Variants in WDPCP observed in about 807,000 individuals in gnomAD.
WDPCP encodes WD repeat containing planar cell polarity effector, also known as WD repeat-containing and planar cell polarity effector protein fritz homolog.
In WDPCP, 71 loss-of-function variants were observed where a neutral mutation model predicts 93.1. The ratio of observed to expected loss-of-function variants is 0.76; its 90% CI spans 0.63 to 0.93. The LOEUF (loss-of-function observed/expected upper bound fraction) is 0.93, where lower values mean the gene tolerates loss of function less well. Among genes scored for constraint, WDPCP ranks in the 40% least tolerant of loss-of-function variants. WDPCP has a pLI of 0.00. For synonymous variants in WDPCP, 315 were observed against 315.0 expected, an observed-to-expected ratio of 1.00 and a Z score of 0.00; for missense variants, 844 against 887.4, an observed-to-expected ratio of 0.95 and a Z score of 0.62.
chr2:63,582,801 C>CA (rs1241732515), intron 1 of WDPCP, among the ~76,000 whole-genome samples: 2 of 152,034 alleles, frequency 1.3e-5, no homozygotes, highest in African/African-American at 4.8e-5. Flanking sequence ...AAAAAACTAT[C>CA]AATCTAGAAC....
At chr2:63,222,654 C>T (rs186748983) in intron 14 of WDPCP, among the ~76,000 whole-genome samples, 110 of 152,294 alleles carry the variant, frequency 7.2e-4, no homozygotes, top group Middle Eastern at 6.8e-3. Context: ...TGAAGCTTAT[C>T]ATAGTTTAAG....
chr2:63,702,030 AT>A (rs1051328036), intron 2 of WDPCP, among the ~76,000 whole-genome samples: 2 of 151,546 alleles, frequency 1.3e-5, no homozygotes, highest in African/African-American at 2.4e-5. Flanking sequence ...AGAAAAGACG[AT>A]TTTTTTTTCT....
At chr2:63,509,728 A>G (rs766760087) in intron 1 of WDPCP, among the ~76,000 whole-genome samples, 5 of 152,198 alleles carry the variant, frequency 3.3e-5, no homozygotes, top group Non-Finnish European at 7.3e-5. Context: ...AATAGACACA[A>G]TAAAAAAAGA....
chr2:63,303,496 CTGTAGGTCAA>C (rs1685487014), intron 13 of WDPCP, among the ~76,000 whole-genome samples: 1 of 152,128 alleles, frequency 6.6e-6, no homozygotes, highest in Non-Finnish European at 1.5e-5. Flanking sequence ...CATTGTACCT[CTGTAGGTCAA>C]GTAAGACAGC....
At chr2:63,539,560 C>T (rs547602420) in intron 1 of WDPCP, among the ~76,000 whole-genome samples, 25 of 152,136 alleles carry the variant, frequency 1.6e-4, no homozygotes, top group Admixed American at 6.6e-4. Context: ...GGTGTGGTGG[C>T]GCATGCCTGT....
chr2:63,313,886 A>ATATGTGTGTGTGTATATATATATATTTT, intron 12 of WDPCP, among the ~76,000 whole-genome samples: 1 of 74,502 alleles, frequency 1.3e-5, no homozygotes, highest in Non-Finnish European at 2.6e-5. Context: ...ATATATATAT[A>ATATGTGTGTGTGTATATATATATATTTT]TTTTTTTTTT....
chr2:63,570,991 C>T (rs562515178), intron 1 of WDPCP, among the ~76,000 whole-genome samples: 36 of 152,026 alleles, frequency 2.4e-4, no homozygotes, highest in South Asian at 1.9e-3. Context: ...CTGCAACCTC[C>T]GCCTCTTGGT....
intron 2 of WDPCP, among the ~76,000 whole-genome samples, chr2:63,721,157 A>G (rs1669407911): frequency 6.6e-6 from 1 of 152,258 alleles, no homozygotes; most frequent in South Asian, 2.1e-4. Context: ...TGAGTCAAGG[A>G]AAATTGGCAT....
intron 6 of WDPCP, among the ~76,000 whole-genome samples, chr2:63,476,568 T>C (rs1699985479): frequency 6.6e-6 from 1 of 152,198 alleles, no homozygotes; most frequent in African/African-American, 2.4e-5. Context: ...ATTAGTGTCC[T>C]AGTGATTTCA....
chr2:63,268,980 C>T (rs528737133), intron 13 of WDPCP, among the ~76,000 whole-genome samples: 1 of 152,008 alleles, frequency 6.6e-6, no homozygotes, highest in Non-Finnish European at 1.5e-5. Context: ...ATAAAAGAAT[C>T]ATGCATCTTG....
chr2:63,489,974 AC>A (rs1700780121), intron 2 of WDPCP, among the ~76,000 whole-genome samples: 1 of 151,976 alleles, frequency 6.6e-6, no homozygotes, highest in Non-Finnish European at 1.5e-5. Context: ...ATTATGCACC[AC>A]CTGATAGGAT....
intron 14 of WDPCP, among the ~76,000 whole-genome samples, chr2:63,186,726 T>C (rs1000552820): frequency 6.6e-6 from 1 of 152,118 alleles, no homozygotes; most frequent in African/African-American, 2.4e-5. Flanking sequence ...CCTTCTCACC[T>C]TTTATTTTCC....
intron 1 of WDPCP, among the ~76,000 whole-genome samples, chr2:63,823,526 A>C (rs988634814): frequency 6.6e-6 from 1 of 152,028 alleles, no homozygotes. Context: ...AACAAACAAA[A>C]AAAACTTTTC....
intron 12 of WDPCP, among the ~76,000 whole-genome samples, chr2:63,361,875 C>T (rs985240356): frequency 6.6e-6 from 1 of 152,136 alleles, no homozygotes; most frequent in African/African-American, 2.4e-5. Context: ...GGCATAGAAG[C>T]TTCACCTAAA....
At chr2:63,539,832 CATTT>C (rs1349872080) in intron 1 of WDPCP, among the ~76,000 whole-genome samples, 2 of 152,058 alleles carry the variant, frequency 1.3e-5, no homozygotes, top group Non-Finnish European at 2.9e-5. Context: ...TAAGTATTGC[CATTT>C]ATTTATAGAT....
intron 2 of WDPCP, among the ~76,000 whole-genome samples, chr2:63,769,819 T>C (rs1310658940): frequency 6.6e-6 from 1 of 151,934 alleles, no homozygotes; most frequent in East Asian, 1.9e-4. Flanking sequence ...AATGAATACA[T>C]TGCTGGTGGG....
chr2:63,238,604 G>T (rs75892967), intron 14 of WDPCP, among the ~76,000 whole-genome samples: 2 of 152,046 alleles, frequency 1.3e-5, no homozygotes, highest in Non-Finnish European at 1.5e-5. Context: ...TCTGTGGCTT[G>T]CATTATATTT....
rs576951992 is a variant in WDPCP, at chr2:63,528,137, T to C, written c.76-35197A>G. Among the ~76,000 whole-genome samples, 6 of 152,172 alleles carry C rather than the reference T, an allele frequency of 3.9e-5. No homozygotes were observed. In the East Asian group the frequency reaches 5.8e-4, roughly 15 times the overall value. Reference sequence around the variant, plus strand: ...ATTAGCCCTTTGTCAGATGAGTAGATTGGAAAAATTTTCTCCCATTCTGTA... The same window carrying C: ...ATTAGCCCTTTGTCAGATGAGTAGACTGGAAAAATTTTCTCCCATTCTGTA... On this transcript the variant is annotated intron_variant, in intron 1 of 17. Coordinates refer to ENST00000272321, the MANE Select transcript of WDPCP (RefSeq NM_015910.7).
chr2:63,412,058 C>A (rs1228704562), intron 9 of WDPCP, among the ~76,000 whole-genome samples: 1 of 152,036 alleles, frequency 6.6e-6, no homozygotes, highest in Non-Finnish European at 1.5e-5. Flanking sequence ...ATACCAAAAC[C>A]AGGAAAGGAC....
Sources: allele counts gnomAD v4.1 joint callset (sites outside exome capture counted in the v4.1 genomes callset), GRCh38; gene constraint gnomAD v4.1.1; transcripts MANE v1.5; gene names NCBI Gene and HGNC (gene_info 2026-07-23, HGNC 2026-07-21).